The following KIAA2012 variants were observed in gnomAD, a reference collection of about 807,000 sequenced individuals.
KIAA2012 encodes uncharacterized protein KIAA2012.
In KIAA2012, 125 loss-of-function variants were observed where a neutral mutation model predicts 150.6. That is an observed-to-expected ratio of 0.83 (90% CI 0.72 to 0.96). The LOEUF (loss-of-function observed/expected upper bound fraction) is 0.96. Among genes scored for constraint, KIAA2012 ranks in the 40% least tolerant of loss-of-function variants. The pLI, the probability that KIAA2012 is intolerant of heterozygous loss-of-function variation, is 0.00. For synonymous variants in KIAA2012, 462 were observed against 504.7 expected, an observed-to-expected ratio of 0.92 and a Z score of 1.13; for missense variants, 1,219 against 1,354.9, an observed-to-expected ratio of 0.90 and a Z score of 1.57.
intron 6 of KIAA2012, 116 bp from the exon 7 acceptor site, chr2:202,100,191 C>T (rs1690004923): frequency 3.5e-6 from 4 of 1,146,820 alleles, no homozygotes; most frequent in Non-Finnish European, 4.9e-6. Context: ...GTCCCAGTGC[C>T]CCAGCACACT....
chr2:202,088,192 C>A (rs538086504), intron 2 of KIAA2012, among the ~76,000 whole-genome samples: 1 of 152,206 alleles, frequency 6.6e-6, no homozygotes, highest in Non-Finnish European at 1.5e-5. Context: ...GTCCTGGAAC[C>A]AATTCCCCAC....
chr2:202,197,073 T>G, intron 22 of KIAA2012, 54 bp downstream of exon 22: 1 of 1,549,036 alleles, frequency 6.5e-7, no homozygotes. Flanking sequence ...AGGGCTTCAC[T>G]GTCCAGTGCT....
intron 12 of KIAA2012, chr2:202,135,776 A>AT (rs1438820817): frequency 6.4e-6 from 1 of 155,964 alleles, no homozygotes; most frequent in African/African-American, 2.4e-5. Flanking sequence ...GCTGGGCTGG[A>AT]TTTGTCCCAA....
chr2:202,100,456 T>C lies in KIAA2012; in HGVS notation c.1155+7T>C, dbSNP rs775284212. The C allele has an allele frequency of 6.5e-5, 100 of 1,547,314 alleles. No homozygotes were observed. The Middle Eastern group carries it at 2.7e-3, about 41-fold the overall frequency. On this transcript the variant is annotated splice_region_variant and intron_variant, in intron 7 of 23. Coordinates refer to ENST00000498697, the MANE Select transcript of KIAA2012 (RefSeq NM_001277372.4). The stretch of plus-strand genomic sequence containing the variant: ...GGAAGTGAAGAAGAAAAAGGTTGTG[T>C]GTATATGTATGTTTGTGCATACAGG...
intron 21 of KIAA2012, among the ~76,000 whole-genome samples, chr2:202,194,574 CCA>C (rs1692380108): frequency 2.3e-5 from 1 of 44,094 alleles, no homozygotes; most frequent in Admixed American, 1.9e-4. Context: ...GGAAATGACT[CCA>C]GAGTCCCTTT....
chr2:202,154,746 T>C lies in KIAA2012; in HGVS notation c.1982T>C (p.Ile661Thr). Reference sequence around the variant, plus strand: ...CAAAGTTGTATAAATAAAGCGCTGATATGTTCAAACAGAAAAGAATTTTAC... The same window carrying C: ...CAAAGTTGTATAAATAAAGCGCTGACATGTTCAAACAGAAAAGAATTTTAC... ...EPQSCINKAL[I>T]CSNRKEFYTR... The change falls in exon 14 of 24, where the codon ATA becomes ACA. Residue 661 changes from isoleucine (I) to threonine (T), a missense_variant. Physicochemically the swap from Ile to Thr is moderately conservative, Grantham distance 89 (BLOSUM62 -1). Transcript: ENST00000498697. The C allele has an allele frequency of 6.5e-7, 1 of 1,550,352 alleles. No homozygotes were observed. Among genetic ancestry groups the C allele is most frequent in the Non-Finnish European group, 8.7e-7 (1 of 1,146,920 alleles).
chr2:202,078,998 C>A (rs1689385237), intron 2 of KIAA2012, among the ~76,000 whole-genome samples: 1 of 152,104 alleles, frequency 6.6e-6, no homozygotes, highest in Non-Finnish European at 1.5e-5. Flanking sequence ...GAGTTCGAGA[C>A]CAGCCTGGCT....
chr2:202,152,023 C>T (rs1392775812), intron 13 of KIAA2012, among the ~76,000 whole-genome samples: 1 of 152,174 alleles, frequency 6.6e-6, no homozygotes, highest in African/African-American at 2.4e-5. Flanking sequence ...CCTCAGCCTT[C>T]CAAAGTGATG....
At chr2:202,188,037 C>A in intron 17 of KIAA2012, 115 bp from the exon 18 acceptor site, 1 of 789,004 alleles carries the variant, frequency 1.3e-6, no homozygotes, top group Non-Finnish European at 2.0e-6. Context: ...TACCTGGAAC[C>A]CACACAAATT....
intron 15 of KIAA2012, 145 bp downstream of exon 15, chr2:202,165,501 C>A: frequency 1.4e-6 from 1 of 699,998 alleles, no homozygotes; most frequent in Non-Finnish European, 2.4e-6. Context: ...GCGGGTGGAT[C>A]ACCTGAGGCC....
At chr2:202,170,312 C>T (rs1025371415) in intron 15 of KIAA2012, among the ~76,000 whole-genome samples, 21 of 152,192 alleles carry the variant, frequency 1.4e-4, no homozygotes, top group African/African-American at 5.1e-4. Context: ...CTGAAAATAA[C>T]AAAATTGACC....
chr2:202,091,410 C>T (rs1689716254), intron 3 of KIAA2012, among the ~76,000 whole-genome samples: 1 of 152,156 alleles, frequency 6.6e-6, no homozygotes, highest in Admixed American at 6.5e-5. Flanking sequence ...TGAGGTGATC[C>T]CAGGTCCTCC....
intron 21 of KIAA2012, among the ~76,000 whole-genome samples, chr2:202,195,878 T>C (rs1449628841): frequency 6.6e-6 from 1 of 152,246 alleles, no homozygotes; most frequent in Non-Finnish European, 1.5e-5. Flanking sequence ...TATGGATAAG[T>C]AGTGTTCCAT....
In KIAA2012 at chr2:202,171,872, CAG is replaced by C. The variant is rs993965087; in HGVS notation, c.2119+6519_2119+6520del. 1.1e-4 allele frequency among the ~76,000 whole-genome samples: 11 copies of C among 102,978 alleles called. 1 individual carries two copies. Among genetic ancestry groups the C allele is most frequent in the Non-Finnish European group, 2.0e-4 (11 of 56,026 alleles). 67.6% of individuals were successfully genotyped at this position (102,978 alleles called of 152,430 possible). A position where few individuals can be genotyped will look rare whatever the true frequency, so the allele number is the denominator to read the frequency against. On this transcript the variant is annotated intron_variant, in intron 15 of 23. Coordinates refer to ENST00000498697, the MANE Select transcript of KIAA2012 (RefSeq NM_001277372.4). ...CTTTTTTTTTTTTTTTTTTTGGAGA[CAG>C]AGTCTTACTCTGTTGCCCAGGCTTG...
intron 15 of KIAA2012, among the ~76,000 whole-genome samples, chr2:202,174,828 G>C (rs964482577): frequency 1.3e-5 from 2 of 151,658 alleles, no homozygotes; most frequent in Non-Finnish European, 2.9e-5. Context: ...TTAAGTTTTA[G>C]GGTACATGTG....
At chr2:202,136,074 C>T in intron 12 of KIAA2012, 1 of 402,204 alleles carries the variant, frequency 2.5e-6, no homozygotes, top group Non-Finnish European at 5.0e-6. Flanking sequence ...TCGCTGACTT[C>T]AAGAATGAAG....
chr2:202,124,125 G>A (rs1306044064), intron 11 of KIAA2012, among the ~76,000 whole-genome samples: 4 of 152,154 alleles, frequency 2.6e-5, no homozygotes, highest in Admixed American at 1.3e-4. Flanking sequence ...CCCAGGTGGT[G>A]GAGGTTGCAG....
intron 7 of KIAA2012, among the ~76,000 whole-genome samples, chr2:202,102,419 A>G (rs1690069604): frequency 6.6e-6 from 1 of 152,256 alleles, no homozygotes; most frequent in East Asian, 1.9e-4. Flanking sequence ...TAGCTCATTT[A>G]ATCCTTACAA....
chr2:202,090,934 GT>G lies in KIAA2012; in HGVS notation c.529+6del. The G allele has an allele frequency of 6.5e-7, 1 of 1,538,880 alleles. No homozygotes were observed. The highest frequency in any genetic ancestry group is 8.8e-7 in the Non-Finnish European group (1 of 1,138,448). ...TGTATAGGCTCTGGTGCGCAGGTCA[GT>G]GGGGAAATGGGAGGGGGGCACACCC... On this transcript the variant is annotated splice_donor_region_variant and intron_variant, in intron 3 of 23. Transcript: ENST00000498697.
Sources: allele counts gnomAD v4.1 joint callset (sites outside exome capture counted in the v4.1 genomes callset), GRCh38; gene constraint gnomAD v4.1.1; transcripts MANE v1.5; gene names NCBI Gene and HGNC (gene_info 2026-07-23, HGNC 2026-07-21).